TMEM232: variants seen among roughly 807,000 people sequenced by gnomAD.
TMEM232 encodes transmembrane protein 232.
A neutral mutation model predicts 78.8 loss-of-function variants in TMEM232; 80 were observed. The observed-to-expected ratio is 1.01, with a 90% CI of 0.85 to 1.22. The LOEUF is 1.22. TMEM232 is among the 50% of genes most tolerant of loss of function. TMEM232 has a pLI of 0.00. For synonymous variants in TMEM232, 297 were observed against 254.3 expected, an observed-to-expected ratio of 1.17 and a Z score of -1.60; for missense variants, 881 against 742.2, an observed-to-expected ratio of 1.19 and a Z score of -2.17.
intron 2 of TMEM232, among the ~76,000 whole-genome samples, chr5:110,652,294 GCACACA>G (rs70999969): frequency 1.4e-5 from 2 of 145,360 alleles, no homozygotes; most frequent in Non-Finnish European, 3.0e-5. Context: ...GCACGCGCGC[GCACACA>G]CACACACACA....
intron 2 of TMEM232, among the ~76,000 whole-genome samples, chr5:110,666,326 A>AT (rs1169543296): frequency 6.6e-6 from 1 of 152,084 alleles, no homozygotes; most frequent in Non-Finnish European, 1.5e-5. Context: ...ATTTGTTTCA[A>AT]TTTTTTTCTT....
At chr5:110,599,675 T>TA (rs1423845539) in intron 10 of TMEM232, among the ~76,000 whole-genome samples, 2 of 152,124 alleles carry the variant, frequency 1.3e-5, no homozygotes, top group African/African-American at 4.8e-5. Flanking sequence ...AGCAAGTTCT[T>TA]AGACACCTAC....
chr5:110,657,755 G>A (rs1789279022), intron 2 of TMEM232, among the ~76,000 whole-genome samples: 1 of 152,202 alleles, frequency 6.6e-6, no homozygotes, highest in South Asian at 2.1e-4. Flanking sequence ...TTTGAATGTT[G>A]TCACCACGAA....
intron 10 of TMEM232, among the ~76,000 whole-genome samples, chr5:110,600,283 G>A (rs2149807483): frequency 6.6e-6 from 1 of 152,168 alleles, no homozygotes; most frequent in East Asian, 1.9e-4. Flanking sequence ...AAATTCAAAA[G>A]CGAGCAGAGG....
At chr5:110,467,544 T>G (rs1232960688) in intron 12 of TMEM232, among the ~76,000 whole-genome samples, 3 of 152,190 alleles carry the variant, frequency 2.0e-5, no homozygotes. Flanking sequence ...TTCAAAACTA[T>G]GAAAGCCATC....
chr5:110,529,240 C>T (rs1218429804), intron 11 of TMEM232, among the ~76,000 whole-genome samples: 1 of 151,748 alleles, frequency 6.6e-6, no homozygotes, highest in African/African-American at 2.4e-5. Flanking sequence ...TTGATATCAA[C>T]AGAGCATTTT....
At chr5:110,458,183 T>G (rs1205763897) in intron 12 of TMEM232, among the ~76,000 whole-genome samples, 1 of 152,112 alleles carries the variant, frequency 6.6e-6, no homozygotes, top group African/African-American at 2.4e-5. Context: ...TAAGTTGATA[T>G]TTTTGTTTCT....
chr5:110,437,147 A>C lies in TMEM232; in HGVS notation c.1704-12231T>G, dbSNP rs369772293. On this transcript the variant is annotated intron_variant, in intron 12 of 13. Coordinates refer to ENST00000455884, the MANE Select transcript of TMEM232 (RefSeq NM_001039763.4). ...CTTTCATCAGTGTTTTATAGTGTTC[A>C]TTGCAGAAATCTTTTACTTCTTTGG... Among the ~76,000 whole-genome samples the C allele has an allele frequency of 6.6e-5, 10 of 151,976 alleles. 1 individual carries two copies. The East Asian group carries it at 7.7e-4, about 12-fold the overall frequency.
At chr5:110,394,932 A>G (rs1332884039) in intron 3 of TMEM232, among the ~76,000 whole-genome samples, 1 of 152,096 alleles carries the variant, frequency 6.6e-6, no homozygotes, top group Non-Finnish European at 1.5e-5. Flanking sequence ...CAAAGCTTTC[A>G]GAATGGTGAG....
chr5:110,606,690 A>AC (rs1554056736), intron 8 of TMEM232, among the ~76,000 whole-genome samples: 1 of 151,894 alleles, frequency 6.6e-6, no homozygotes, highest in Non-Finnish European at 1.5e-5. Context: ...AAACACAGCA[A>AC]TTTTTTAAAA....
At chr5:110,527,915 C>G (rs1460045775) in intron 12 of TMEM232, among the ~76,000 whole-genome samples, 1 of 151,948 alleles carries the variant, frequency 6.6e-6, no homozygotes, top group East Asian at 1.9e-4. Flanking sequence ...AAGAGATCTA[C>G]AATGTAAAAT....
intron 10 of TMEM232, among the ~76,000 whole-genome samples, chr5:110,578,247 A>C (rs545744259): frequency 6.6e-6 from 1 of 152,060 alleles, no homozygotes; most frequent in South Asian, 2.1e-4. Context: ...TATTCTACCA[A>C]GAGATGGAAT....
At chr5:110,610,131 A>C (rs376689770) in intron 8 of TMEM232, among the ~76,000 whole-genome samples, 144 of 150,220 alleles carry the variant, frequency 9.6e-4, no homozygotes, top group African/African-American at 3.4e-3. Context: ...AACAGAGAAA[A>C]GTCTTTCATA....
chr5:110,686,560 G>A (rs1054690428), intron 1 of TMEM232, among the ~76,000 whole-genome samples: 1 of 151,672 alleles, frequency 6.6e-6, no homozygotes, highest in Non-Finnish European at 1.5e-5. Context: ...AAAACTGTGC[G>A]AGTTGATAAA....
chr5:110,503,510 A>G (rs898524758), intron 12 of TMEM232, among the ~76,000 whole-genome samples: 12 of 152,130 alleles, frequency 7.9e-5, no homozygotes, highest in Non-Finnish European at 1.5e-4. Flanking sequence ...TATAGTACCG[A>G]AGGGAAGATC....
chr5:110,721,688 T>C (rs765172686), intron 1 of TMEM232, among the ~76,000 whole-genome samples: 23 of 135,744 alleles, frequency 1.7e-4, no homozygotes, highest in Non-Finnish European at 2.4e-4. Flanking sequence ...TATATATCTG[T>C]GTGTGTTAGT....
rs1757069725 is a variant in TMEM232 at position 110,424,867 on chromosome 5, A to C, written c.1753T>G (p.Phe585Val). The C allele has an allele frequency of 1.9e-6, 3 of 1,550,322 alleles. No homozygotes were observed. Among genetic ancestry groups the C allele is most frequent in the Non-Finnish European group, 2.6e-6 (3 of 1,146,248 alleles). Residue 585 changes from phenylalanine (F) to valine (V), a missense_variant, in exon 13 of 14, where the codon TTC (phenylalanine) becomes GTC (valine). Phe to Val is a conservative substitution (Grantham distance 50). Transcript: ENST00000455884. ...GCCAACTCTTTATCTGCCTTGGTGA[A>C]GAAATCTGGATATGGAAACATGGGA... ...EIPMFPYPDF[F>V]TKADKELAKI... is the part of the protein sequence containing the mutation.
intron 2 of TMEM232, among the ~76,000 whole-genome samples, chr5:110,404,142 A>C (rs1755704311): frequency 6.6e-6 from 1 of 152,024 alleles, no homozygotes; most frequent in Admixed American, 6.6e-5. Flanking sequence ...GGCCAATTTG[A>C]TGTATAAATT....
At chr5:110,514,415 A>G (rs956047963) in intron 12 of TMEM232, among the ~76,000 whole-genome samples, 11 of 152,160 alleles carry the variant, frequency 7.2e-5, no homozygotes, top group Non-Finnish European at 1.6e-4. Flanking sequence ...TATATTCTAA[A>G]GAAAATAAAT....
Sources: gnomAD v4.1 joint callset for allele counts (sites outside exome capture counted in the v4.1 genomes callset) on GRCh38, gnomAD v4.1.1 for gene constraint, MANE v1.5 for transcripts, NCBI Gene and HGNC (gene_info 2026-07-23, HGNC 2026-07-21) for gene names.